PRDM7: variants seen among roughly 807,000 people sequenced by gnomAD.
PRDM7 encodes the protein PR/SET domain 7.
In PRDM7, 52 loss-of-function variants were observed where a neutral mutation model predicts 64.3. The ratio of observed to expected loss-of-function variants is 0.81; its 90% CI spans 0.65 to 1.02. The LOEUF (loss-of-function observed/expected upper bound fraction) is 1.02, where lower values mean the gene tolerates loss of function less well. PRDM7 is among the 50% of genes least tolerant of loss of function. The pLI, the probability that PRDM7 is intolerant of heterozygous loss-of-function variation, is 0.00. For synonymous variants in PRDM7, 192 were observed against 210.1 expected (o/e 0.91, Z 0.74); for missense variants, 574 against 597.1 (o/e 0.96, Z 0.40).
At position 90,058,493 on chromosome 16, in the gene PRDM7, CCAGA is replaced by C. The variant is rs2037717884; in HGVS notation, c.1271_1274del (p.Val424GlyfsTer48). The stretch of plus-strand genomic sequence containing the variant: ...CTGAGAAATTTTTGACTTGAAAAGG[CCAGA>C]CAGCATGAGGGACATGGATGGATCT... On this transcript the variant is annotated frameshift_variant, in exon 11 of 11. Transcript: ENST00000449207. LOFTEE classifies it high-confidence loss of function. The C allele has an allele frequency of 1.2e-6, 2 of 1,614,120 alleles. No homozygotes were observed. The highest frequency in any genetic ancestry group is 4.5e-5 in the East Asian group (2 of 44,886).
chr16:90,074,469 C>T (rs904891977), intron 4 of PRDM7, among the ~76,000 whole-genome samples: 2 of 150,736 alleles, frequency 1.3e-5, no homozygotes, highest in Non-Finnish European at 3.0e-5. Context: ...CCCAGCTACT[C>T]GAGAAGCTGA....
At chr16:90,073,785 T>C (rs1030703161) in intron 4 of PRDM7, among the ~76,000 whole-genome samples, 2 of 150,434 alleles carry the variant, frequency 1.3e-5, no homozygotes, top group Admixed American at 1.3e-4. Flanking sequence ...GGAGGTCACT[T>C]TTTTTTCCCC....
Position 90,075,771 on chromosome 16 carries a change from G to A in PRDM7, c.69+71C>T, listed in dbSNP as rs2038027739. 2 of 1,551,182 alleles carry A rather than the reference G, an allele frequency of 1.3e-6. No homozygotes were observed. Among genetic ancestry groups the A allele is most frequent in the Admixed American group, 1.8e-5 (1 of 55,542 alleles). On this transcript the variant is annotated intron_variant, in intron 2 of 10. Coordinates refer to ENST00000449207, the MANE Select transcript of PRDM7 (RefSeq NM_001098173.2). This position sits in a 1 kb window ranked among gnomAD's most constrained non-coding sequence, Gnocchi z 4.3. ...TCAGACAGAGTCACCCAAGGGTACA[G>A]GCCAGGAGTCTGCAGCACTCCAGAG...
intron 4 of PRDM7, among the ~76,000 whole-genome samples, chr16:90,068,813 C>T (rs1476482172): frequency 6.6e-6 from 1 of 150,928 alleles, no homozygotes; most frequent in Non-Finnish European, 1.5e-5. Flanking sequence ...ACCAAGGAGG[C>T]AAAAACTTGA....
intron 6 of PRDM7, among the ~76,000 whole-genome samples, chr16:90,063,105 A>G (rs575299049): frequency 5.9e-4 from 90 of 152,334 alleles, no homozygotes; most frequent in South Asian, 1.5e-3. Flanking sequence ...TGTGGATTAT[A>G]ACCCAAGTGA....
intron 6 of PRDM7, 124 bp downstream of exon 6, chr16:90,063,488 G>A: frequency 1.0e-6 from 1 of 991,086 alleles, no homozygotes; most frequent in Non-Finnish European, 1.5e-6. Context: ...CTAACTTCTG[G>A]TCTCACAGTT....
intron 4 of PRDM7, 45 bp from the exon 5 acceptor site, chr16:90,066,955 C>T (rs1284273963): frequency 6.7e-7 from 1 of 1,501,942 alleles, no homozygotes; most frequent in Non-Finnish European, 9.2e-7. Flanking sequence ...TAAATGTTTC[C>T]AAACTCTAGA....
At position 90,075,580 on chromosome 16, in the gene PRDM7, T is replaced by G. The variant is rs1441379544; in HGVS notation, c.70-106A>C. On this transcript the variant is annotated intron_variant, in intron 2 of 10. Transcript: ENST00000449207. The surrounding 1 kb of genome is among the most constrained non-coding windows in gnomAD (Gnocchi z 4.3). ...ATAGCCTGGGGCCTCTGGGAGTCTC[T>G]GTGAAACATAAAGACCTTCCCTCCT... The G allele has an allele frequency of 6.4e-7, 1 of 1,573,866 alleles. No individual in the cohort carries two copies. The highest frequency in any genetic ancestry group is 8.7e-7 in the Non-Finnish European group (1 of 1,145,108).
rs746482754 is a variant in PRDM7, at chr16:90,075,235, C to G, written c.193+116G>C. ...GAACAATATTTCCCTCCAGATTTGT[C>G]TCCGTGCAAAAGGGAATTGTGGGCA... On this transcript the variant is annotated intron_variant, in intron 3 of 10. Transcript: ENST00000449207. This position sits in a 1 kb window ranked among gnomAD's most constrained non-coding sequence, Gnocchi z 4.3. 1.5e-5 allele frequency: 24 copies of G among 1,562,650 alleles called. No homozygotes were observed. Among genetic ancestry groups the G allele is most frequent in the Non-Finnish European group, 2.0e-5 (23 of 1,137,712 alleles).
rs60701633 is a variant in PRDM7, at chr16:90,070,055, G to GA, written c.302-3146dup. 9 of 143,850 alleles carry GA rather than the reference G, an allele frequency of 6.3e-5. No individual in the cohort carries two copies. In the South Asian group the frequency reaches 1.0e-3, roughly 16 times the overall value. 8.9% of individuals were successfully genotyped at this position (143,850 alleles called of 1,614,324 possible). ...GGGTGACAAGAGCGAAACTCTGTCT[G>GA]AAAAAAAAAAACAAAAAACAAAAAA... is the stretch of plus-strand genomic sequence containing the variant. On this transcript the variant is annotated intron_variant, in intron 4 of 10. Transcript: ENST00000449207.
At chr16:90,060,262 C>T (rs879582037) in intron 10 of PRDM7, 79 bp downstream of exon 10, 1 of 1,608,728 alleles carries the variant, frequency 6.2e-7, no homozygotes. Flanking sequence ...TTTTACTCTA[C>T]TTAAGAGTTC....
At chr16:90,068,382 TC>T (rs1217371317) in intron 4 of PRDM7, among the ~76,000 whole-genome samples, 2 of 151,242 alleles carry the variant, frequency 1.3e-5, no homozygotes, top group African/African-American at 2.5e-5. Flanking sequence ...AAGCCTATAA[TC>T]CCAGCACTTT....
At position 90,075,738 on chromosome 16, in the gene PRDM7, A is replaced by G; in HGVS notation, c.69+104T>C. 1.4e-6 allele frequency: 2 copies of G among 1,444,568 alleles called. No homozygotes were observed. Among genetic ancestry groups the G allele is most frequent in the East Asian group, 4.8e-5 (2 of 41,524 alleles). 89.5% of individuals were successfully genotyped at this position (1,444,568 alleles called of 1,614,324 possible). On this transcript the variant is annotated intron_variant, in intron 2 of 10. Coordinates refer to ENST00000449207, the MANE Select transcript of PRDM7 (RefSeq NM_001098173.2). The surrounding 1 kb of genome is among the most constrained non-coding windows in gnomAD (Gnocchi z 4.3). ...GGCCAGGACCAGCTGCCCCCATTCC[A>G]TGCACATTCAGACAGAGTCACCCAA...
At chr16:90,058,866 T>C (rs1200525653) in intron 10 of PRDM7, among the ~76,000 whole-genome samples, 1 of 152,170 alleles carries the variant, frequency 6.6e-6, no homozygotes, top group Non-Finnish European at 1.5e-5. Flanking sequence ...TTCCAAGTCC[T>C]GTAAAGCCTT....
chr16:90,063,340 A>T (rs2037814093), intron 6 of PRDM7, among the ~76,000 whole-genome samples: 1 of 152,140 alleles, frequency 6.6e-6, no homozygotes, highest in African/African-American at 2.4e-5. Flanking sequence ...CGGGTGACTG[A>T]GGCATGAAAA....
rs943757755 is a variant in PRDM7, at chr16:90,058,235, C to CT, written c.*53dup. The CT allele has an allele frequency of 2.5e-6, 4 of 1,614,150 alleles. No individual in the cohort carries two copies. Among genetic ancestry groups the CT allele is most frequent in the Non-Finnish European group, 3.4e-6 (4 of 1,180,008 alleles). ...CCCACTCTAGAGCTCCCCATTTGTCCTTTGGGTGGGCTAGAAAAGGCCCTT... is the reference window on the plus strand; with the variant it reads ...CCCACTCTAGAGCTCCCCATTTGTCCTTTTGGGTGGGCTAGAAAAGGCCCTT... On this transcript the variant is annotated 3_prime_UTR_variant, in exon 11 of 11. Transcript: ENST00000449207.
intron 4 of PRDM7, 41 bp downstream of exon 4, chr16:90,074,875 G>A (rs368170031): frequency 1.2e-5 from 19 of 1,590,664 alleles, no homozygotes; most frequent in East Asian, 4.5e-5. Flanking sequence ...GCGAAACTCC[G>A]TCTTTAAAAA....
At position 90,061,499 on chromosome 16, in the gene PRDM7, G is replaced by A. The variant is rs2037777210; in HGVS notation, c.903C>T (p.Cys301=). The part of the protein sequence containing the change: ...YSWLITKGRN[C]YEYVDGKDKS... ...TATCTTTTCCATCCACATACTCATA[G>A]CAGTTTCTCCCCTTGGTGATCTGAG... Residue 301 remains cysteine (C), a synonymous_variant, in exon 9 of 11, where the codon TGC becomes TGT. Transcript: ENST00000449207. 6.2e-7 allele frequency: 1 copy of A among 1,605,906 alleles called. No homozygotes were observed. Among genetic ancestry groups the A allele is most frequent in the Non-Finnish European group, 8.5e-7 (1 of 1,172,478 alleles).
At position 90,057,857 on chromosome 16, in the gene PRDM7, A is replaced by T; in HGVS notation, c.*432T>A. The T allele has an allele frequency of 6.6e-7, 1 of 1,522,750 alleles. No individual in the cohort carries two copies. Among genetic ancestry groups the T allele is most frequent in the African/African-American group, 1.4e-5 (1 of 72,916 alleles). 94.3% of individuals were successfully genotyped at this position (1,522,750 alleles called of 1,614,324 possible). On this transcript the variant is annotated 3_prime_UTR_variant, in exon 11 of 11. Coordinates refer to ENST00000449207, the MANE Select transcript of PRDM7 (RefSeq NM_001098173.2). ...AATGACTTACTCATCCTTCCTGCAGACTGGGGCGTCTCCCCTGTGTGTCCT... is the reference window on the plus strand; with the variant it reads ...AATGACTTACTCATCCTTCCTGCAGTCTGGGGCGTCTCCCCTGTGTGTCCT...
Sources: allele counts gnomAD v4.1 joint callset (sites outside exome capture counted in the v4.1 genomes callset), GRCh38; gene constraint gnomAD v4.1.1; non-coding constraint Gnocchi (gnomAD v3.1); transcripts MANE v1.5; gene names NCBI Gene and HGNC (gene_info 2026-07-23, HGNC 2026-07-21).